Variants in RAPGEF4 observed in about 807,000 individuals in gnomAD.
RAPGEF4 encodes RAP guanine-nucleotide-exchange factor (GEF) 4.
In RAPGEF4, 66 loss-of-function variants were observed where a neutral mutation model predicts 147.9. That is an observed-to-expected ratio of 0.45 (90% confidence interval 0.37 to 0.55). The LOEUF (loss-of-function observed/expected upper bound fraction) is 0.55. Among genes scored for constraint, RAPGEF4 ranks in the 20% least tolerant of loss-of-function variants. RAPGEF4 has a pLI of 0.00. For synonymous variants in RAPGEF4, 419 were observed against 442.7 expected (o/e 0.95, Z 0.67); for missense variants, 1,071 against 1,257.3 (o/e 0.85, Z 2.24).
At chr2:172,795,327 T>C (rs980527089) in intron 2 of RAPGEF4, among the ~76,000 whole-genome samples, 160 bp downstream of exon 2, 2 of 152,234 alleles carry the variant, frequency 1.3e-5, no homozygotes, top group Admixed American at 6.5e-5. Context: ...GTTTATTCAG[T>C]TGCATGTAGG....
chr2:172,963,174 C>G (rs1575386439), intron 8 of RAPGEF4, among the ~76,000 whole-genome samples: 1 of 152,124 alleles, frequency 6.6e-6, no homozygotes, highest in South Asian at 2.1e-4. Context: ...AAAATTTGCC[C>G]CCGTGATCCA....
chr2:172,805,205 G>T (rs915291145), intron 3 of RAPGEF4, among the ~76,000 whole-genome samples: 1 of 152,150 alleles, frequency 6.6e-6, no homozygotes, highest in African/African-American at 2.4e-5. Context: ...AGACTGGAGG[G>T]GAGACAATGG....
intron 1 of RAPGEF4, among the ~76,000 whole-genome samples, chr2:172,743,859 C>G (rs566948473): frequency 6.6e-6 from 1 of 152,344 alleles, no homozygotes; most frequent in East Asian, 1.9e-4. Flanking sequence ...GCCCCCAGTT[C>G]TGACTTTGTC....
At chr2:172,887,039 T>G (rs1697309990) in intron 4 of RAPGEF4, among the ~76,000 whole-genome samples, 1 of 151,908 alleles carries the variant, frequency 6.6e-6, no homozygotes, top group Non-Finnish European at 1.5e-5. Flanking sequence ...AATACAAAAT[T>G]AGCTGGGTGT....
At chr2:172,945,961 A>G (rs1315171508) in intron 6 of RAPGEF4, among the ~76,000 whole-genome samples, 1 of 152,176 alleles carries the variant, frequency 6.6e-6, no homozygotes, top group East Asian at 1.9e-4. Flanking sequence ...TGGGTTTTCT[A>G]CTTCAGGGAA....
intron 26 of RAPGEF4, among the ~76,000 whole-genome samples, chr2:173,031,600 A>G (rs1697202423): frequency 6.6e-6 from 1 of 152,206 alleles, no homozygotes; most frequent in Admixed American, 6.5e-5. Flanking sequence ...CAGCCAGACA[A>G]TAAGAACAGA....
intron 15 of RAPGEF4, among the ~76,000 whole-genome samples, chr2:172,995,090 G>A (rs1693198935): frequency 7.0e-6 from 1 of 143,688 alleles, no homozygotes; most frequent in Non-Finnish European, 1.5e-5. Flanking sequence ...CAGGCCATGG[G>A]TTAAGATCCT....
At chr2:173,046,852 C>T (rs1685534046) in intron 29 of RAPGEF4, among the ~76,000 whole-genome samples, 1 of 152,146 alleles carries the variant, frequency 6.6e-6, no homozygotes, top group Non-Finnish European at 1.5e-5. Context: ...TGCTAGAGTC[C>T]TCAAAGCAGT....
At chr2:172,981,371 T>C (rs530338705) in intron 10 of RAPGEF4, among the ~76,000 whole-genome samples, 1 of 152,280 alleles carries the variant, frequency 6.6e-6, no homozygotes, top group East Asian at 1.9e-4. Context: ...TCCCCAAGAG[T>C]CCCAGTTTCA....
At chr2:172,921,746 C>G (rs554712097) in intron 5 of RAPGEF4, among the ~76,000 whole-genome samples, 2 of 152,326 alleles carry the variant, frequency 1.3e-5, no homozygotes, top group East Asian at 3.9e-4. Flanking sequence ...CTGAGATACC[C>G]CTGGAAACAG....
At chr2:172,835,892 A>G (rs1375488018) in intron 4 of RAPGEF4, among the ~76,000 whole-genome samples, 1 of 152,182 alleles carries the variant, frequency 6.6e-6, no homozygotes, top group Non-Finnish European at 1.5e-5. Flanking sequence ...CGAGCATTCC[A>G]TTCCTCTAAG....
chr2:172,989,827 C>G (rs886520856), intron 14 of RAPGEF4, among the ~76,000 whole-genome samples: 18 of 152,118 alleles, frequency 1.2e-4, no homozygotes, highest in African/African-American at 4.3e-4. Context: ...CTTAGCATCC[C>G]TATCCCCTCC....
intron 1 of RAPGEF4, among the ~76,000 whole-genome samples, chr2:172,793,329 A>G (rs1248189739): frequency 6.6e-6 from 1 of 152,180 alleles, no homozygotes; most frequent in Non-Finnish European, 1.5e-5. Flanking sequence ...GCTGAGTATC[A>G]GGTCCCTGAT....
At chr2:172,819,321 A>G (rs1688816512) in intron 4 of RAPGEF4, among the ~76,000 whole-genome samples, 1 of 152,186 alleles carries the variant, frequency 6.6e-6, no homozygotes, top group African/African-American at 2.4e-5. Flanking sequence ...AATATTAACC[A>G]GGGTATAAAA....
intron 6 of RAPGEF4, among the ~76,000 whole-genome samples, chr2:172,953,131 C>G (rs2105401592): frequency 6.6e-6 from 1 of 151,860 alleles, no homozygotes; most frequent in African/African-American, 2.4e-5. Flanking sequence ...AGCCTGAGAC[C>G]ACACTGTAGT....
chr2:172,873,867 C>T (rs1695537618), intron 4 of RAPGEF4, among the ~76,000 whole-genome samples: 1 of 152,100 alleles, frequency 6.6e-6, no homozygotes, highest in Non-Finnish European at 1.5e-5. Context: ...AACAAACAAC[C>T]TAATCAAAAA....
chr2:172,769,115 G>T (rs1426144276), intron 1 of RAPGEF4, among the ~76,000 whole-genome samples: 2 of 152,210 alleles, frequency 1.3e-5, no homozygotes, highest in African/African-American at 2.4e-5. Context: ...CAGGGAAGTT[G>T]TCTTGGGGTA....
chr2:173,019,383 C>T (rs17803021), intron 22 of RAPGEF4, among the ~76,000 whole-genome samples: 6,324 of 152,226 alleles, frequency 0.042, 188 homozygotes, highest in Admixed American at 0.076. Context: ...AGTGTGGCTA[C>T]GAAGGAAAGA....
intron 17 of RAPGEF4, among the ~76,000 whole-genome samples, chr2:173,008,797 C>T (rs2105852389): frequency 6.6e-6 from 1 of 152,054 alleles, no homozygotes; most frequent in Middle Eastern, 3.4e-3. Flanking sequence ...AAAAAAAGTA[C>T]AGAAAAATTA....
Sources: allele counts gnomAD v4.1 joint callset (sites outside exome capture counted in the v4.1 genomes callset), GRCh38; gene constraint gnomAD v4.1.1; transcripts MANE v1.5; gene names NCBI Gene and HGNC (gene_info 2026-07-23, HGNC 2026-07-21).